The following C3orf33 variants were observed in gnomAD, a reference collection of about 807,000 sequenced individuals.
C3orf33 encodes AP-1 activity suppressor.
C3orf33 carries 23 observed loss-of-function variants against 28.7 expected under a neutral mutation model. The observed-to-expected ratio is 0.80, with a 90% CI of 0.58 to 1.13. C3orf33 has a LOEUF of 1.13. C3orf33 is among the 50% of genes most tolerant of loss of function. C3orf33 has a pLI of 0.00. For synonymous variants in C3orf33, 119 were observed against 120.5 expected, an observed-to-expected ratio of 0.99 and a Z score of 0.08; for missense variants, 327 against 353.4, an observed-to-expected ratio of 0.93 and a Z score of 0.60.
chr3:155,786,662 A>C (rs1013865263), intron 2 of C3orf33, among the ~76,000 whole-genome samples: 41 of 152,054 alleles, frequency 2.7e-4, no homozygotes, highest in African/African-American at 9.7e-4. Flanking sequence ...CCCCATCTCT[A>C]CTAAAAATAC....
intron 4 of C3orf33, among the ~76,000 whole-genome samples, chr3:155,765,163 AATAAAGATATGCTT>A (rs1304906645): frequency 1.3e-5 from 2 of 152,212 alleles, no homozygotes; most frequent in African/African-American, 4.8e-5. Context: ...AGCAAGATAA[AATAAAGATATGCTT>A]ATAAGATGAA....
chr3:155,792,406 G>A (rs370394974), intron 2 of C3orf33, among the ~76,000 whole-genome samples: 2 of 151,932 alleles, frequency 1.3e-5, no homozygotes, highest in Non-Finnish European at 2.9e-5. Flanking sequence ...AATAAATACC[G>A]AAATCTTCAA....
At chr3:155,781,813 C>T (rs1401721187) in intron 2 of C3orf33, among the ~76,000 whole-genome samples, 1 of 147,348 alleles carries the variant, frequency 6.8e-6, no homozygotes, top group African/African-American at 2.5e-5. Context: ...TGCGGTGGCT[C>T]ATGCCTGTAA....
At chr3:155,803,621 C>T (rs1162429321) in intron 1 of C3orf33, among the ~76,000 whole-genome samples, 1 of 150,686 alleles carries the variant, frequency 6.6e-6, no homozygotes, top group African/African-American at 2.4e-5. Context: ...TGCCTCACGC[C>T]TGTAATCTCA....
At position 155,778,141 on chromosome 3, in the gene C3orf33, CAAAAAA is replaced by C. The variant is rs55700532; in HGVS notation, c.175-2299_175-2294del. On this transcript the variant is annotated intron_variant, in intron 2 of 4. Transcript: ENST00000340171. ...CTCCAGCCTGAGTGAAACTCCATTT[CAAAAAA>C]AAAAAAAAAAAAAAAACAAGTAGGG... Among the ~76,000 whole-genome samples the C allele has an allele frequency of 1.0e-2, 754 of 75,752 alleles. 6 individuals carry two copies. Among genetic ancestry groups the C allele is most frequent in the African/African-American group, 0.038 (724 of 19,050 alleles). 49.7% of individuals were successfully genotyped at this position (75,752 alleles called of 152,430 possible). A position where few individuals can be genotyped will look rare whatever the true frequency, so the allele number is the denominator to read the frequency against.
intron 3 of C3orf33, among the ~76,000 whole-genome samples, chr3:155,772,772 C>CTCTG (rs1553770331): frequency 7.0e-6 from 1 of 142,138 alleles, no homozygotes; most frequent in African/African-American, 2.6e-5. Context: ...TTTTTAGGCT[C>CTCTG]TGTGTGTGTG....
At chr3:155,767,049 TC>T (rs1286352298) in intron 4 of C3orf33, among the ~76,000 whole-genome samples, 3 of 152,064 alleles carry the variant, frequency 2.0e-5, no homozygotes, top group Non-Finnish European at 2.9e-5. Context: ...GGTCAAGAGA[TC>T]GAGACCATCC....
chr3:155,773,033 A>C (rs1468696973), intron 3 of C3orf33, among the ~76,000 whole-genome samples: 2 of 152,188 alleles, frequency 1.3e-5, no homozygotes, highest in Admixed American at 6.5e-5. Context: ...AAACCTTCTT[A>C]GTAAGAGTGA....
intron 2 of C3orf33, among the ~76,000 whole-genome samples, chr3:155,802,192 C>A (rs1259613474): frequency 6.6e-6 from 1 of 152,136 alleles, no homozygotes; most frequent in African/African-American, 2.4e-5. Context: ...TGGTCTAAAT[C>A]AAAAAGCACC....
intron 2 of C3orf33, among the ~76,000 whole-genome samples, chr3:155,779,441 T>C (rs1417088070): frequency 6.6e-6 from 1 of 152,122 alleles, no homozygotes; most frequent in Admixed American, 6.6e-5. Flanking sequence ...ATTACAGGCA[T>C]GTGTCACCAC....
chr3:155,802,789 G>C (rs1286429261), intron 1 of C3orf33, among the ~76,000 whole-genome samples, 198 bp from the exon 2 acceptor site: 1 of 151,882 alleles, frequency 6.6e-6, no homozygotes, highest in African/African-American at 2.4e-5. Context: ...AACTTTTATA[G>C]TACTCAAATT....
At chr3:155,806,060 C>CT (rs1269699248) in intron 1 of C3orf33, 79 bp downstream of exon 1, 1 of 1,020,084 alleles carries the variant, frequency 9.8e-7, no homozygotes, top group African/African-American at 1.7e-5. Context: ...GGATCCACGC[C>CT]TGAGGCCTCA....
At chr3:155,800,601 C>A (rs1393115700) in intron 2 of C3orf33, among the ~76,000 whole-genome samples, 2 of 62,216 alleles carry the variant, frequency 3.2e-5, no homozygotes, top group Admixed American at 5.5e-4. Context: ...CAGAGTGAGA[C>A]CTTATCTCCA....
rs957079935 is a variant in C3orf33, at chr3:155,775,762, A to C, written c.261T>G (p.Thr87=). ...TATGTTCAATTTCTAAACCATTCTC[A>C]GTTATTCGGCGTAATCGTCCACGTA... The part of the protein sequence containing the change: ...VKLRGRLRRI[T]ENGLEIEHIP... Residue 87 remains threonine (T), a synonymous_variant, in exon 3 of 5, where the codon ACT becomes ACG. Coordinates refer to ENST00000340171, the MANE Select transcript of C3orf33 (RefSeq NM_001308229.2). 4.4e-6 allele frequency: 7 copies of C among 1,592,910 alleles called. No individual in the cohort carries two copies. The East Asian group carries it at 9.0e-5, about 20-fold the overall frequency.
intron 2 of C3orf33, among the ~76,000 whole-genome samples, chr3:155,801,671 A>C (rs1751654403): frequency 6.6e-6 from 1 of 152,186 alleles, no homozygotes. Context: ...GAATGGTCAA[A>C]ATCATGGAGA....
intron 1 of C3orf33, among the ~76,000 whole-genome samples, chr3:155,802,982 A>G (rs915228802): frequency 6.6e-6 from 1 of 152,168 alleles, no homozygotes; most frequent in African/African-American, 2.4e-5. Flanking sequence ...TTCCATCAAT[A>G]TATGAACTGG....
At chr3:155,771,274 TTTG>T (rs1381440556) in intron 3 of C3orf33, among the ~76,000 whole-genome samples, 2 of 151,622 alleles carry the variant, frequency 1.3e-5, no homozygotes, top group African/African-American at 4.9e-5. Context: ...CCCAGCTAAT[TTTG>T]TTGTTTATTT....
intron 1 of C3orf33, 121 bp from the exon 2 acceptor site, chr3:155,802,712 T>G: frequency 2.9e-6 from 2 of 681,904 alleles, no homozygotes; most frequent in South Asian, 3.8e-5. Context: ...ATAAACAATG[T>G]ATGTCTTTCA....
At chr3:155,768,210 C>A (rs1416707361) in intron 3 of C3orf33, among the ~76,000 whole-genome samples, 2 of 143,712 alleles carry the variant, frequency 1.4e-5, no homozygotes, top group African/African-American at 4.9e-5. Flanking sequence ...AGCTTCAGAA[C>A]AAGTAGTGAG....
Sources: gnomAD v4.1 joint callset for allele counts (sites outside exome capture counted in the v4.1 genomes callset) on GRCh38, gnomAD v4.1.1 for gene constraint, MANE v1.5 for transcripts, NCBI Gene and HGNC (gene_info 2026-07-23, HGNC 2026-07-21) for gene names.